CSMD2: variants seen among roughly 807,000 people sequenced by gnomAD.
The protein encoded by CSMD2 is CUB and Sushi multiple domains 2.
A neutral mutation model predicts 398.5 loss-of-function variants in CSMD2; 130 were observed. The observed-to-expected ratio is 0.33, with a 90% CI of 0.28 to 0.38. CSMD2 has a LOEUF of 0.38. Among genes scored for constraint, CSMD2 ranks in the 10% least tolerant of loss-of-function variants. CSMD2 has a pLI of 1.00. For missense variants in CSMD2, 3,829 were observed against 4,764.9 expected, an observed-to-expected ratio of 0.80 and a Z score of 5.78; for synonymous variants, 1,828 against 1,908.5, an observed-to-expected ratio of 0.96 and a Z score of 1.10.
chr1:33,990,588 G>A (rs999160614), intron 3 of CSMD2, among the ~76,000 whole-genome samples: 12 of 152,240 alleles, frequency 7.9e-5, no homozygotes, highest in African/African-American at 2.6e-4. Context: ...CCTGGGGAGA[G>A]GCTATGAAGA....
rs1049704774 is a variant in CSMD2 at position 33,977,027 on chromosome 1, G to A, written c.518-41073C>T. On this transcript the variant is annotated intron_variant, in intron 3 of 70. Transcript: ENST00000373381. ...ATTCACAGCACAGGCTGTTATTCAA[G>A]CAAAGAGGCAGAGAGGGACAAAAGC... Among the ~76,000 whole-genome samples, 5 of 152,064 alleles carry A rather than the reference G, an allele frequency of 3.3e-5. No homozygotes were observed. The East Asian group carries it at 9.8e-4, about 30-fold the overall frequency.
chr1:34,082,283 C>G (rs1227050312), intron 2 of CSMD2, among the ~76,000 whole-genome samples: 1 of 151,366 alleles, frequency 6.6e-6, no homozygotes, highest in South Asian at 2.1e-4. Flanking sequence ...TGCCCGGCTG[C>G]CCCGTCTGAG....
intron 1 of CSMD2, among the ~76,000 whole-genome samples, chr1:34,111,848 G>A (rs1661110154): frequency 2.0e-5 from 3 of 152,110 alleles, no homozygotes; most frequent in African/African-American, 7.2e-5. Context: ...TAAAAGAGCT[G>A]ACCAGAGCTA....
rs114196768 is a variant in CSMD2, at chr1:33,700,470, T to C, written c.3733+47A>G. On this transcript the variant is annotated intron_variant, in intron 23 of 70. Transcript: ENST00000373381. ...CAGAAGCTCAAATAAATGAATAAAA[T>C]GGGAAACCCTGACTTCCTTGTCCAC... 7.8e-3 allele frequency: 12,530 copies of C among 1,596,320 alleles called. 66 individuals carry two copies. Among genetic ancestry groups the C allele is most frequent in the Non-Finnish European group, 9.6e-3 (11,232 of 1,168,856 alleles).
At chr1:33,691,484 C>T (rs1030870736) in intron 25 of CSMD2, among the ~76,000 whole-genome samples, 3 of 152,226 alleles carry the variant, frequency 2.0e-5, no homozygotes, top group African/African-American at 7.2e-5. Flanking sequence ...ATTTCCTTAA[C>T]ATTAATTGAA....
intron 24 of CSMD2, among the ~76,000 whole-genome samples, chr1:33,697,523 C>T (rs776278896): frequency 1.9e-4 from 29 of 152,260 alleles, no homozygotes; most frequent in South Asian, 4.2e-4. Context: ...AAAATGTAGT[C>T]GTCTAGGGGA....
At chr1:34,027,265 G>C (rs1189284552) in intron 3 of CSMD2, among the ~76,000 whole-genome samples, 6 of 152,170 alleles carry the variant, frequency 3.9e-5, no homozygotes, top group Non-Finnish European at 5.9e-5. Flanking sequence ...TGGCCAGTAA[G>C]TGATGACAGG....
At chr1:33,543,844 A>C (rs1405085772) in intron 57 of CSMD2, among the ~76,000 whole-genome samples, 1 of 152,228 alleles carries the variant, frequency 6.6e-6, no homozygotes, top group Non-Finnish European at 1.5e-5. Flanking sequence ...ATTTTAAATC[A>C]AATGTCAGAA....
intron 15 of CSMD2, among the ~76,000 whole-genome samples, chr1:33,737,751 T>C (rs570093100): frequency 2.6e-4 from 39 of 152,294 alleles, no homozygotes; most frequent in Non-Finnish European, 4.4e-4. Flanking sequence ...TCAACCAGTA[T>C]TGATTGAGCA....
Position 33,847,772 on chromosome 1 carries a change from A to G in CSMD2, c.921-776T>C, listed in dbSNP as rs191322505. On this transcript the variant is annotated intron_variant, in intron 5 of 70. Transcript: ENST00000373381. The stretch of plus-strand genomic sequence containing the variant: ...AGGGATCAGCTGTGTGAGCTCAGGA[A>G]AACTACAGAAACCCTCTGAGACTTA... Among the ~76,000 whole-genome samples the G allele has an allele frequency of 8.5e-5, 13 of 152,292 alleles. No individual in the cohort carries two copies. The East Asian group carries it at 2.5e-3, about 29-fold the overall frequency.
At chr1:34,123,708 T>C (rs1662450984) in intron 1 of CSMD2, among the ~76,000 whole-genome samples, 2 of 152,034 alleles carry the variant, frequency 1.3e-5, no homozygotes, top group South Asian at 4.1e-4. Context: ...TGGTGTCCAC[T>C]GCTTAATGTG....
chr1:33,557,986 A>G, intron 54 of CSMD2, 64 bp from the exon 55 acceptor site: 1 of 1,430,180 alleles, frequency 7.0e-7, no homozygotes, highest in Non-Finnish European at 9.5e-7. Context: ...TCCGAGCAAA[A>G]CTAGGCAATG....
rs1176904010 is a variant in CSMD2, at chr1:33,557,782, T to A, written c.8695A>T (p.Ser2899Cys). The change falls in exon 55 of 71, where the codon AGC becomes TGC. Residue 2899 changes from serine to cysteine, a missense_variant. Ser to Cys is a moderately radical substitution (Grantham distance 112). Around this residue, in one of 5 missense-constraint regions of CSMD2, gnomAD observed 917 missense variants for 1,199.5 expected, o/e 0.76. Coordinates refer to ENST00000373381, the MANE Select transcript of CSMD2 (RefSeq NM_001281956.2). ...TCCCATGTGCCATCTCCCTGGCAGC[T>A]GAGCACTGGGGTGCCCAGGAGGTAG... ...GFYLLGTPVL[S>C]CQGDGTWDRP... 5 of 1,536,112 alleles carry A rather than the reference T, an allele frequency of 3.3e-6. No individual in the cohort carries two copies. The highest frequency in any genetic ancestry group is 4.4e-6 in the Non-Finnish European group (5 of 1,146,894).
chr1:34,026,008 A>C (rs1649599834), intron 3 of CSMD2, among the ~76,000 whole-genome samples: 1 of 152,216 alleles, frequency 6.6e-6, no homozygotes, highest in Non-Finnish European at 1.5e-5. Context: ...CCAGTCAAGT[A>C]AGGTTAGGAT....
intron 13 of CSMD2, among the ~76,000 whole-genome samples, chr1:33,760,905 C>A (rs1336079686): frequency 6.6e-6 from 1 of 152,108 alleles, no homozygotes; most frequent in Non-Finnish European, 1.5e-5. Context: ...ACCACACCCT[C>A]AATCCAGCAA....
intron 3 of CSMD2, among the ~76,000 whole-genome samples, chr1:33,980,383 T>TAGTAGA (rs1172126502): frequency 5.9e-5 from 9 of 152,184 alleles, no homozygotes; most frequent in African/African-American, 1.9e-4. Flanking sequence ...CTAACAGGTT[T>TAGTAGA]CCTAGTAGGT....
intron 1 of CSMD2, among the ~76,000 whole-genome samples, chr1:34,090,374 T>C (rs1658414995): frequency 6.6e-6 from 1 of 152,106 alleles, no homozygotes; most frequent in Non-Finnish European, 1.5e-5. Context: ...CTCCTTTCAG[T>C]CTCCGTGCCA....
At chr1:33,780,905 G>A (rs1206520026) in intron 12 of CSMD2, among the ~76,000 whole-genome samples, 1 of 152,232 alleles carries the variant, frequency 6.6e-6, no homozygotes, top group Non-Finnish European at 1.5e-5. Context: ...ACAAGAAATA[G>A]AGGTGTACTG....
chr1:33,609,095 TC>T (rs1309439378), intron 41 of CSMD2, among the ~76,000 whole-genome samples: 2 of 152,170 alleles, frequency 1.3e-5, no homozygotes, highest in African/African-American at 2.4e-5. Context: ...GCACACACCT[TC>T]CCTGGGTGTG....
Sources: gnomAD v4.1 joint callset for allele counts (sites outside exome capture counted in the v4.1 genomes callset) on GRCh38, gnomAD v4.1.1 for gene constraint, gnomAD v4.1.1 regional missense constraint, MANE v1.5 for transcripts, NCBI Gene and HGNC (gene_info 2026-07-23, HGNC 2026-07-21) for gene names.